PTPRD: variants seen among roughly 807,000 people sequenced by gnomAD.
PTPRD encodes receptor-type tyrosine-protein phosphatase delta.
A neutral mutation model predicts 214.5 loss-of-function variants in PTPRD; 34 were observed. That is an observed-to-expected ratio of 0.16 (90% CI 0.12 to 0.21). PTPRD has a LOEUF of 0.21. Among genes scored for constraint, PTPRD ranks in the 10% least tolerant of loss-of-function variants. PTPRD has a pLI of 1.00. For synonymous variants in PTPRD, 1,128 were observed against 845.7 expected (o/e 1.33, Z -5.79); for missense variants, 2,545 against 2,398.7 (o/e 1.06, Z -1.27).
chr9:9,604,069 T>C (rs888897447), intron 7 of PTPRD, among the ~76,000 whole-genome samples: 1 of 152,082 alleles, frequency 6.6e-6, no homozygotes. Flanking sequence ...TAATATAATT[T>C]TGCTTTTATT....
chr9:9,523,971 T>C lies in PTPRD; in HGVS notation c.-237+50761A>G, dbSNP rs117038847. Among the ~76,000 whole-genome samples, 13 of 152,228 alleles carry C rather than the reference T, an allele frequency of 8.5e-5. No homozygotes were observed. The East Asian group carries it at 1.9e-3, about 23-fold the overall frequency. On this transcript the variant is annotated intron_variant, in intron 8 of 45. Transcript: ENST00000381196. ...GACCTAAGATGGGCCCACCACAGCA[T>C]TGAATTCCCTCAGCCACAGCCATCA...
chr9:9,491,446 A>C (rs914532013), intron 8 of PTPRD, among the ~76,000 whole-genome samples: 7 of 151,968 alleles, frequency 4.6e-5, no homozygotes, highest in Non-Finnish European at 7.4e-5. Context: ...ACTAGATCTA[A>C]CGGAAATGTA....
chr9:9,918,366 A>AAC (rs1420312002), intron 5 of PTPRD, among the ~76,000 whole-genome samples: 5 of 150,680 alleles, frequency 3.3e-5, no homozygotes, highest in Non-Finnish European at 7.4e-5. Context: ...AAAAAAAAAA[A>AAC]AAAACTCCAC....
intron 4 of PTPRD, among the ~76,000 whole-genome samples, chr9:9,992,999 A>AC (rs1431808935): frequency 1.1e-5 from 1 of 88,928 alleles, no homozygotes; most frequent in Non-Finnish European, 3.1e-5. Context: ...GTTAAAAAAA[A>AC]ACAGTTAGAT....
intron 10 of PTPRD, among the ~76,000 whole-genome samples, chr9:9,182,638 G>T (rs1177218831): frequency 6.6e-6 from 1 of 151,868 alleles, no homozygotes; most frequent in East Asian, 1.9e-4. Flanking sequence ...AATGTCCTTG[G>T]CAGAGGATTT....
At chr9:9,488,905 C>T (rs2095780765) in intron 8 of PTPRD, among the ~76,000 whole-genome samples, 1 of 152,112 alleles carries the variant, frequency 6.6e-6, no homozygotes, top group Non-Finnish European at 1.5e-5. Flanking sequence ...GAACCCCATT[C>T]TCCAAATATA....
intron 5 of PTPRD, among the ~76,000 whole-genome samples, chr9:9,811,380 C>G (rs2153542027): frequency 6.6e-6 from 1 of 152,236 alleles, no homozygotes; most frequent in Non-Finnish European, 1.5e-5. Context: ...CATGATGAAA[C>G]TTTAACAAAT....
chr9:8,450,133 A>T (rs2095877710), intron 33 of PTPRD, among the ~76,000 whole-genome samples: 1 of 152,020 alleles, frequency 6.6e-6, no homozygotes, highest in Non-Finnish European at 1.5e-5. Context: ...ATACGCATGG[A>T]CCCTTATTGA....
At chr9:9,084,849 A>G (rs1294789068) in intron 10 of PTPRD, among the ~76,000 whole-genome samples, 2 of 152,156 alleles carry the variant, frequency 1.3e-5, no homozygotes, top group Non-Finnish European at 2.9e-5. Context: ...ACATTTATCA[A>G]AATATCAACA....
At chr9:8,649,038 A>G (rs2096752389) in intron 12 of PTPRD, among the ~76,000 whole-genome samples, 1 of 152,240 alleles carries the variant, frequency 6.6e-6, no homozygotes, top group Non-Finnish European at 1.5e-5. Flanking sequence ...TTTGAAAAGG[A>G]ACATGAGAGC....
chr9:9,887,690 T>C lies in PTPRD; in HGVS notation c.-368+50817A>G, dbSNP rs1165045118. Among the ~76,000 whole-genome samples the C allele has an allele frequency of 3.3e-5, 5 of 152,244 alleles. No homozygotes were observed. The East Asian group carries it at 9.7e-4, about 29-fold the overall frequency. On this transcript the variant is annotated intron_variant, in intron 5 of 45. Coordinates refer to ENST00000381196, the MANE Select transcript of PTPRD (RefSeq NM_002839.4). ...ACAGTTTCTAGTGAAAGACCTAACTTGCACTTCCTTAAAAGTATTTAATGG... is the reference window on the plus strand; with the variant it reads ...ACAGTTTCTAGTGAAAGACCTAACTCGCACTTCCTTAAAAGTATTTAATGG...
At chr9:9,678,585 A>C (rs1310000817) in intron 7 of PTPRD, among the ~76,000 whole-genome samples, 1 of 151,874 alleles carries the variant, frequency 6.6e-6, no homozygotes, top group Admixed American at 6.6e-5. Context: ...AGTGAACATC[A>C]TTATTAATAG....
At chr9:8,520,934 C>A (rs1011372122) in intron 20 of PTPRD, among the ~76,000 whole-genome samples, 2 of 151,802 alleles carry the variant, frequency 1.3e-5, no homozygotes, top group African/African-American at 4.8e-5. Flanking sequence ...GGGTTCTTAT[C>A]AAGGTTCTGG....
chr9:10,556,808 A>G (rs2062713411), intron 2 of PTPRD, among the ~76,000 whole-genome samples: 1 of 152,146 alleles, frequency 6.6e-6, no homozygotes, highest in Non-Finnish European at 1.5e-5. Flanking sequence ...ATGGATTGGT[A>G]CAATACAGTA....
chr9:8,323,001 A>G (rs1305341586), intron 44 of PTPRD, among the ~76,000 whole-genome samples: 2 of 152,168 alleles, frequency 1.3e-5, no homozygotes, highest in African/African-American at 4.8e-5. Flanking sequence ...TTAAGTCAAA[A>G]GCTTGAAAAA....
intron 14 of PTPRD, among the ~76,000 whole-genome samples, chr9:8,557,431 A>AATATATATATATATATATATATATAT (rs1281715374): frequency 2.7e-5 from 3 of 111,750 alleles, no homozygotes; most frequent in African/African-American, 2.3e-4. Context: ...TTCATTTGTA[A>AATATATATATATATATATATATATAT]ATACATATAT....
intron 8 of PTPRD, among the ~76,000 whole-genome samples, chr9:9,517,160 C>A (rs2096858183): frequency 6.6e-6 from 1 of 151,926 alleles, no homozygotes; most frequent in Non-Finnish European, 1.5e-5. Flanking sequence ...TTTATTTATT[C>A]TCATAACTTG....
At chr9:10,118,814 C>A (rs1344194002) in intron 3 of PTPRD, among the ~76,000 whole-genome samples, 1 of 150,546 alleles carries the variant, frequency 6.6e-6, no homozygotes, top group Non-Finnish European at 1.5e-5. Context: ...TTGAGAATGA[C>A]TTTTTCAAAC....
intron 3 of PTPRD, among the ~76,000 whole-genome samples, chr9:10,090,630 T>TA (rs1409492438): frequency 1.4e-5 from 2 of 145,218 alleles, no homozygotes; most frequent in Non-Finnish European, 3.0e-5. Flanking sequence ...TATACATAAA[T>TA]AAAAAAACCA....
Sources: gnomAD v4.1 joint callset for allele counts (sites outside exome capture counted in the v4.1 genomes callset) on GRCh38, gnomAD v4.1.1 for gene constraint, MANE v1.5 for transcripts, NCBI Gene and HGNC (gene_info 2026-07-23, HGNC 2026-07-21) for gene names.